CALCRL: variants seen among roughly 807,000 people sequenced by gnomAD.
CALCRL encodes the protein calcitonin gene-related peptide type 1 receptor.
CALCRL carries 27 observed loss-of-function variants against 60.4 expected under a neutral mutation model. The observed-to-expected ratio is 0.45, with a 90% CI of 0.33 to 0.62. The LOEUF is 0.62. Among genes scored for constraint, CALCRL ranks in the 20% least tolerant of loss-of-function variants. The pLI, the probability that CALCRL is intolerant of heterozygous loss-of-function variation, is 0.03. For missense variants in CALCRL, 424 were observed against 540.7 expected (o/e 0.78, Z 2.14); for synonymous variants, 190 against 182.6 (o/e 1.04, Z -0.33).
intron 8 of CALCRL, among the ~76,000 whole-genome samples, chr2:187,372,330 T>TTA (rs1687564894): frequency 6.6e-6 from 1 of 151,658 alleles, no homozygotes. Flanking sequence ...TTTTTTTTTT[T>TTA]ATCTAAAGGG....
chr2:187,405,126 C>T (rs1689060903), intron 1 of CALCRL, among the ~76,000 whole-genome samples: 1 of 151,950 alleles, frequency 6.6e-6, no homozygotes, highest in South Asian at 2.1e-4. Context: ...TAATAACCCA[C>T]ACAATTCCAT....
chr2:187,359,020 T>C (rs770024256), intron 12 of CALCRL, 43 bp downstream of exon 12: 26 of 1,478,058 alleles, frequency 1.8e-5, no homozygotes, highest in Non-Finnish European at 2.5e-5. Flanking sequence ...GAAATAAAGT[T>C]GAAATGTGAG....
intron 8 of CALCRL, among the ~76,000 whole-genome samples, chr2:187,372,377 A>G (rs758440851): frequency 1.3e-5 from 2 of 151,798 alleles, no homozygotes; most frequent in Admixed American, 6.6e-5. Context: ...TACGAGTAAG[A>G]GTCATTGCCT....
chr2:187,399,172 A>G (rs903544320), intron 1 of CALCRL, among the ~76,000 whole-genome samples: 17 of 151,626 alleles, frequency 1.1e-4, no homozygotes, highest in Admixed American at 6.6e-5. Context: ...ATATTTACAG[A>G]TTGTTTTCTT....
intron 1 of CALCRL, among the ~76,000 whole-genome samples, chr2:187,410,897 C>T (rs113844383): frequency 1.3e-5 from 2 of 149,688 alleles, no homozygotes; most frequent in South Asian, 2.1e-4. Flanking sequence ...GGGCAGGGGG[C>T]GGGGAGAGGT....
Position 187,342,782 on chromosome 2 carries a change from T to G in CALCRL, c.*3402A>C, listed in dbSNP as rs575234447. Reference sequence around the variant, plus strand: ...AAATTTATTTCAACATTTTTAATATTCTCATATAGTGTGATATTTTGAATT... The same window carrying G: ...AAATTTATTTCAACATTTTTAATATGCTCATATAGTGTGATATTTTGAATT... On this transcript the variant is annotated 3_prime_UTR_variant, in exon 15 of 15. Coordinates refer to ENST00000392370, the MANE Select transcript of CALCRL (RefSeq NM_005795.6). 2.0e-4 allele frequency among the ~76,000 whole-genome samples: 30 copies of G among 151,788 alleles called. No individual in the cohort carries two copies. In the South Asian group the frequency reaches 6.0e-3, roughly 30 times the overall value.
At chr2:187,355,512 C>T (rs1046912831) in intron 12 of CALCRL, among the ~76,000 whole-genome samples, 17 of 152,000 alleles carry the variant, frequency 1.1e-4, no homozygotes, top group Non-Finnish European at 2.4e-4. Context: ...AGTGATCCAA[C>T]GCAACCATAT....
intron 1 of CALCRL, among the ~76,000 whole-genome samples, chr2:187,416,437 A>T (rs1207483182): frequency 6.6e-6 from 1 of 152,188 alleles, no homozygotes; most frequent in Admixed American, 6.5e-5. Context: ...AATAGATACA[A>T]GAGTGGCCCT....
intron 8 of CALCRL, among the ~76,000 whole-genome samples, chr2:187,371,947 A>G (rs1687544422): frequency 1.3e-5 from 2 of 152,164 alleles, no homozygotes; most frequent in Admixed American, 1.3e-4. Flanking sequence ...AAGCACTAAC[A>G]GGTTATTTTA....
At position 187,345,259 on chromosome 2, in the gene CALCRL, A is replaced by G. The variant is rs1686229129; in HGVS notation, c.*925T>C. 1 of 152,256 alleles carries G rather than the reference A, an allele frequency of 6.6e-6. No homozygotes were observed. Among genetic ancestry groups the G allele is most frequent in the Non-Finnish European group, 1.5e-5 (1 of 67,806 alleles). 9.4% of individuals were successfully genotyped at this position (152,256 alleles called of 1,614,324 possible). On this transcript the variant is annotated 3_prime_UTR_variant, in exon 15 of 15. Coordinates refer to ENST00000392370, the MANE Select transcript of CALCRL (RefSeq NM_005795.6). ...TAAAATAAAATAATGGAGTATTTAC[A>G]AGCTCATTTTTCACAATTTCTTTTT...
chr2:187,413,977 G>A (rs899501274), intron 1 of CALCRL, among the ~76,000 whole-genome samples: 2 of 151,978 alleles, frequency 1.3e-5, no homozygotes, highest in African/African-American at 4.8e-5. Flanking sequence ...ATAAAATGTG[G>A]ATAATAATAT....
intron 1 of CALCRL, among the ~76,000 whole-genome samples, chr2:187,390,146 A>T (rs1688372501): frequency 6.6e-6 from 1 of 152,142 alleles, no homozygotes; most frequent in South Asian, 2.1e-4. Flanking sequence ...TACAAAATAA[A>T]ATCCTGAAAA....
intron 1 of CALCRL, among the ~76,000 whole-genome samples, chr2:187,433,195 T>C (rs1299034756): frequency 1.3e-5 from 2 of 152,082 alleles, no homozygotes; most frequent in African/African-American, 2.4e-5. Flanking sequence ...TTGAAGTTTA[T>C]TTTGAGTATT....
rs183481932 is a variant in CALCRL, at chr2:187,422,480, C to A, written c.-293+25559G>T. 5.9e-5 allele frequency among the ~76,000 whole-genome samples: 9 copies of A among 152,188 alleles called. No individual in the cohort carries two copies. In the East Asian group the frequency reaches 1.7e-3, roughly 29 times the overall value. On this transcript the variant is annotated intron_variant, in intron 1 of 14. Coordinates refer to ENST00000392370, the MANE Select transcript of CALCRL (RefSeq NM_005795.6). ...AATGGACAATGGATTGGATATGAATCTAAAATGAGGCAGTTTCCTGAAGCC... is the reference window on the plus strand; with the variant it reads ...AATGGACAATGGATTGGATATGAATATAAAATGAGGCAGTTTCCTGAAGCC...
At chr2:187,362,560 A>G (rs1349117366) in intron 9 of CALCRL, among the ~76,000 whole-genome samples, 2 of 121,046 alleles carry the variant, frequency 1.7e-5, no homozygotes, top group Non-Finnish European at 3.5e-5. Context: ...TTTCTTTTAA[A>G]AAACACTTTA....
At chr2:187,356,565 C>T (rs534629756) in intron 12 of CALCRL, among the ~76,000 whole-genome samples, 1 of 152,040 alleles carries the variant, frequency 6.6e-6, no homozygotes, top group Admixed American at 6.6e-5. Context: ...AGAAGAAAAG[C>T]GAGGCAATAT....
chr2:187,372,386 C>T (rs1021817022), intron 8 of CALCRL, among the ~76,000 whole-genome samples: 1 of 151,804 alleles, frequency 6.6e-6, no homozygotes, highest in Non-Finnish European at 1.5e-5. Flanking sequence ...GAGTCATTGC[C>T]TCTCAGGGCT....
At chr2:187,353,752 A>C (rs1345316587) in intron 12 of CALCRL, among the ~76,000 whole-genome samples, 1 of 151,976 alleles carries the variant, frequency 6.6e-6, no homozygotes, top group African/African-American at 2.4e-5. Flanking sequence ...TTGCTCTTTA[A>C]AAAAAGATAA....
Position 187,344,773 on chromosome 2 carries a change from C to T in CALCRL, c.*1411G>A, listed in dbSNP as rs1686211969. On this transcript the variant is annotated 3_prime_UTR_variant, in exon 15 of 15. Coordinates refer to ENST00000392370, the MANE Select transcript of CALCRL (RefSeq NM_005795.6). The stretch of plus-strand genomic sequence containing the variant: ...TTTATATTTCTTGAATAGCCTGGGA[C>T]ATTTCCAAAGCTATATATCTTCACA... 1 of 151,570 alleles carries T rather than the reference C, an allele frequency of 6.6e-6. No homozygotes were observed. Among genetic ancestry groups the T allele is most frequent in the African/African-American group, 2.4e-5 (1 of 41,368 alleles). The allele number at this position is 151,570 out of a possible 1,614,324, so 9.4% of individuals were successfully genotyped here.
Sources: gnomAD v4.1 joint callset for allele counts (sites outside exome capture counted in the v4.1 genomes callset) on GRCh38, gnomAD v4.1.1 for gene constraint, MANE v1.5 for transcripts, NCBI Gene and HGNC (gene_info 2026-07-23, HGNC 2026-07-21) for gene names.